Variants in INPP4B observed in about 807,000 individuals in gnomAD.
The protein encoded by INPP4B is inositol polyphosphate-4-phosphatase type II B.
Under a neutral mutation model 122.5 loss-of-function variants are expected in INPP4B, and 55 were observed. The observed-to-expected ratio is 0.45, with a 90% CI of 0.36 to 0.56. The LOEUF (loss-of-function observed/expected upper bound fraction) is 0.56, where lower values mean the gene tolerates loss of function less well. INPP4B is among the 20% of genes least tolerant of loss of function. INPP4B has a pLI of 0.00. For missense variants in INPP4B, 1,000 were observed against 1,097.7 expected, an observed-to-expected ratio of 0.91 and a Z score of 1.26; for synonymous variants, 403 against 388.7, an observed-to-expected ratio of 1.04 and a Z score of -0.43.
intron 2 of INPP4B, among the ~76,000 whole-genome samples, chr4:142,486,996 G>C (rs755209642): frequency 6.6e-6 from 1 of 152,108 alleles, no homozygotes; most frequent in Non-Finnish European, 1.5e-5. Context: ...ATCTCATCTT[G>C]TAGCTCCCAT....
At chr4:142,245,772 G>GTA (rs1343962512) in intron 11 of INPP4B, among the ~76,000 whole-genome samples, 1 of 113,444 alleles carries the variant, frequency 8.8e-6, no homozygotes, top group East Asian at 2.5e-4. Flanking sequence ...GTATATGTGT[G>GTA]TATATATATA....
chr4:142,647,571 G>T (rs1417966319), intron 2 of INPP4B, among the ~76,000 whole-genome samples: 1 of 152,152 alleles, frequency 6.6e-6, no homozygotes, highest in Non-Finnish European at 1.5e-5. Context: ...GTCCCCAGAG[G>T]TGTTTTCTTT....
intron 9 of INPP4B, among the ~76,000 whole-genome samples, chr4:142,280,620 A>G (rs1750769483): frequency 6.6e-6 from 1 of 151,950 alleles, no homozygotes; most frequent in African/African-American, 2.4e-5. Context: ...CATGTGTTAA[A>G]ATTCATAGAA....
chr4:142,391,633 G>A (rs1797719866), intron 7 of INPP4B, among the ~76,000 whole-genome samples: 1 of 152,108 alleles, frequency 6.6e-6, no homozygotes. Context: ...TACTCCTGGA[G>A]AAGGAGGATG....
At chr4:142,610,276 C>T (rs1201452312) in intron 2 of INPP4B, among the ~76,000 whole-genome samples, 1 of 152,110 alleles carries the variant, frequency 6.6e-6, no homozygotes, top group Non-Finnish European at 1.5e-5. Context: ...CCTTTGCCTT[C>T]CACAATGATT....
chr4:142,215,388 T>C (rs1033370074), intron 12 of INPP4B, among the ~76,000 whole-genome samples: 9 of 152,198 alleles, frequency 5.9e-5, no homozygotes, highest in Non-Finnish European at 8.8e-5. Context: ...ACCTGGGCAG[T>C]TGATTTACAG....
intron 2 of INPP4B, among the ~76,000 whole-genome samples, chr4:142,721,546 G>A (rs1764679299): frequency 6.6e-6 from 1 of 152,202 alleles, no homozygotes; most frequent in Non-Finnish European, 1.5e-5. Flanking sequence ...CATAAGGCCG[G>A]GCGCTGTGGC....
intron 7 of INPP4B, among the ~76,000 whole-genome samples, chr4:142,332,351 A>T (rs906635750): frequency 6.6e-6 from 1 of 152,178 alleles, no homozygotes; most frequent in Non-Finnish European, 1.5e-5. Context: ...TTTAGTACAG[A>T]TTTTGTAATA....
chr4:142,061,414 GA>G (rs1235809371), intron 25 of INPP4B, among the ~76,000 whole-genome samples: 1 of 151,734 alleles, frequency 6.6e-6, no homozygotes, highest in Non-Finnish European at 1.5e-5. Context: ...GAAGGAGTTT[GA>G]AAATTGACTT....
At chr4:142,517,812 A>G (rs1162432935) in intron 2 of INPP4B, among the ~76,000 whole-genome samples, 1 of 152,134 alleles carries the variant, frequency 6.6e-6, no homozygotes, top group Non-Finnish European at 1.5e-5. Flanking sequence ...AATAGTGCTA[A>G]TAGCTCTTCA....
intron 2 of INPP4B, among the ~76,000 whole-genome samples, chr4:142,710,559 T>C (rs1762989581): frequency 6.6e-6 from 1 of 152,186 alleles, no homozygotes; most frequent in Non-Finnish European, 1.5e-5. Flanking sequence ...AATATGAGTG[T>C]ACTGCACATA....
At position 142,720,793 on chromosome 4, in the gene INPP4B, C is replaced by A. The variant is rs1286784053; in HGVS notation, c.-191+5046G>T. On this transcript the variant is annotated intron_variant, in intron 2 of 25. Coordinates refer to ENST00000262992, the MANE Select transcript of INPP4B (RefSeq NM_001101669.3). The stretch of plus-strand genomic sequence containing the variant: ...TCTCTCTCTCTCTCTCTCTCTCTCT[C>A]TCTCTCTCTCTCTCTCTATATATAT... Among the ~76,000 whole-genome samples, 258 of 37,356 alleles carry A rather than the reference C, an allele frequency of 6.9e-3. 24 individuals carry two copies. Among genetic ancestry groups the A allele is most frequent in the African/African-American group, 0.015 (175 of 11,466 alleles). The allele number at this position is 37,356 out of a possible 152,430, so 24.5% of individuals were successfully genotyped here.
chr4:142,659,990 A>C (rs146904026), intron 2 of INPP4B, among the ~76,000 whole-genome samples: 2,503 of 152,064 alleles, frequency 0.016, 67 homozygotes, highest in African/African-American at 0.056. Context: ...ATAACAACAG[A>C]GGTTAAAAGG....
At chr4:142,057,219 G>T (rs1015027488) in intron 25 of INPP4B, among the ~76,000 whole-genome samples, 1 of 145,716 alleles carries the variant, frequency 6.9e-6, no homozygotes, top group African/African-American at 2.5e-5. Flanking sequence ...ATGATCTTTT[G>T]TAACAATAAA....
intron 2 of INPP4B, among the ~76,000 whole-genome samples, chr4:142,632,186 C>CA (rs1210002025): frequency 2.6e-5 from 4 of 152,054 alleles, no homozygotes; most frequent in African/African-American, 9.7e-5. Flanking sequence ...CAGAAGTCAG[C>CA]ATGGCAGACT....
chr4:142,467,532 TTTTTTTG>T (rs200949017), intron 2 of INPP4B, among the ~76,000 whole-genome samples: 6,718 of 152,072 alleles, frequency 0.044, 173 homozygotes, highest in Middle Eastern at 0.078. Context: ...TAACTAGTTT[TTTTTTTG>T]TTTTTTGTTT....
chr4:142,503,303 A>C (rs1823621224), intron 2 of INPP4B, among the ~76,000 whole-genome samples: 1 of 152,204 alleles, frequency 6.6e-6, no homozygotes. Flanking sequence ...AAAAAGTAAG[A>C]GTTAATGAAA....
chr4:142,777,716 A>T (rs1460960336), intron 1 of INPP4B, among the ~76,000 whole-genome samples: 2 of 152,190 alleles, frequency 1.3e-5, no homozygotes, highest in Non-Finnish European at 2.9e-5. Flanking sequence ...CGAGGCAATG[A>T]TTCTTCTTCT....
chr4:142,495,395 T>A (rs557306684), intron 2 of INPP4B, among the ~76,000 whole-genome samples: 2 of 152,096 alleles, frequency 1.3e-5, no homozygotes, highest in African/African-American at 4.8e-5. Context: ...AACACATATA[T>A]ATCTTTAGAT....
Sources: allele counts gnomAD v4.1 joint callset (sites outside exome capture counted in the v4.1 genomes callset), GRCh38; gene constraint gnomAD v4.1.1; transcripts MANE v1.5; gene names NCBI Gene and HGNC (gene_info 2026-07-23, HGNC 2026-07-21).